MYO16: variants seen among roughly 807,000 people sequenced by gnomAD.
The protein encoded by MYO16 is myosin XVI.
MYO16 carries 94 observed loss-of-function variants against 205.3 expected under a neutral mutation model. The observed-to-expected ratio is 0.46, with a 90% confidence interval of 0.39 to 0.54. The LOEUF (loss-of-function observed/expected upper bound fraction) is 0.54, where lower values mean the gene tolerates loss of function less well. MYO16 is among the 20% of genes least tolerant of loss of function. The pLI, the probability that MYO16 is intolerant of heterozygous loss-of-function variation, is 0.00. For synonymous variants in MYO16, 988 were observed against 954.0 expected (o/e 1.04, Z -0.66); for missense variants, 2,315 against 2,387.5 (o/e 0.97, Z 0.63).
At chr13:108,644,225 A>G (rs969635343) in intron 1 of MYO16, among the ~76,000 whole-genome samples, 5 of 152,130 alleles carry the variant, frequency 3.3e-5, no homozygotes, top group Non-Finnish European at 5.9e-5. Flanking sequence ...CAGCCCAGGG[A>G]TGCTCCCACA....
chr13:108,656,158 C>G (rs772270207), intron 1 of MYO16, among the ~76,000 whole-genome samples: 1 of 152,100 alleles, frequency 6.6e-6, no homozygotes, highest in Admixed American at 6.5e-5. Context: ...TTGAATTATT[C>G]TCCCATAACT....
chr13:108,908,327 A>G (rs1881088900), intron 15 of MYO16, among the ~76,000 whole-genome samples: 1 of 152,172 alleles, frequency 6.6e-6, no homozygotes, highest in Non-Finnish European at 1.5e-5. Context: ...TTTTCTTACT[A>G]AGGGATATTA....
At chr13:108,506,068 T>C in the MYO16 span, among the ~76,000 whole-genome samples, 2 of 152,226 alleles carry the variant, frequency 1.3e-5, no homozygotes, top group East Asian at 3.9e-4. Flanking sequence ...CTGCAGCTTT[T>C]AACATGTTTT....
chr13:109,003,976 A>C (rs770968734), intron 21 of MYO16, among the ~76,000 whole-genome samples: 3 of 152,212 alleles, frequency 2.0e-5, no homozygotes, highest in African/African-American at 4.8e-5. Context: ...AGGAAAAGAA[A>C]ATGTCATATA....
the MYO16 span, among the ~76,000 whole-genome samples, chr13:108,565,578 T>A: frequency 6.6e-6 from 1 of 152,190 alleles, no homozygotes; most frequent in African/African-American, 2.4e-5. Context: ...GTTTTTTTGA[T>A]GGAGTTCTTT....
In MYO16 at chr13:108,657,132, G is replaced by A. The variant is rs189520666; in HGVS notation, c.29-8754G>A. 3.5e-3 allele frequency among the ~76,000 whole-genome samples: 527 copies of A among 152,306 alleles called. 1 individual carries two copies. Among genetic ancestry groups the A allele is most frequent in the African/African-American group, 0.012 (494 of 41,552 alleles). ...AATGTTACTACATACTGTAGCTACA[G>A]AAATTGCCAAAATATTTTTCTCAAT... On this transcript the variant is annotated intron_variant, in intron 1 of 34. Transcript: ENST00000457511.
the MYO16 span, among the ~76,000 whole-genome samples, chr13:108,559,470 CTTTTTTTTTTT>C: frequency 1.1e-5 from 1 of 87,414 alleles, no homozygotes; most frequent in Admixed American, 1.4e-4. Flanking sequence ...TTTTTCTTTT[CTTTTTTTTTTT>C]TTTTTTTTTT....
intron 4 of MYO16, among the ~76,000 whole-genome samples, chr13:108,741,146 C>A (rs780475350): frequency 2.0e-5 from 3 of 152,124 alleles, no homozygotes; most frequent in South Asian, 2.1e-4. Flanking sequence ...CTGTCCTGCA[C>A]CCACCATCCG....
chr13:108,535,078 T>G, the MYO16 span, among the ~76,000 whole-genome samples: 2 of 150,518 alleles, frequency 1.3e-5, no homozygotes, highest in Non-Finnish European at 3.0e-5. Flanking sequence ...CTCTTCTTCT[T>G]CCCCTCTTCC....
At chr13:108,545,908 C>T in the MYO16 span, among the ~76,000 whole-genome samples, 2 of 152,164 alleles carry the variant, frequency 1.3e-5, no homozygotes, top group Non-Finnish European at 2.9e-5. Flanking sequence ...AGATACCTAA[C>T]TCATAGTTTC....
At chr13:109,046,201 G>A (rs1244120644) in intron 23 of MYO16, among the ~76,000 whole-genome samples, 3 of 152,134 alleles carry the variant, frequency 2.0e-5, no homozygotes, top group Admixed American at 2.0e-4. Context: ...CACACTGACC[G>A]TGGTCTGTGC....
chr13:108,535,561 C>T, the MYO16 span, among the ~76,000 whole-genome samples: 2 of 152,126 alleles, frequency 1.3e-5, no homozygotes, highest in Non-Finnish European at 2.9e-5. Flanking sequence ...ACAAAATATG[C>T]CATTTCCCTT....
At chr13:108,730,960 C>T (rs558824366) in intron 4 of MYO16, among the ~76,000 whole-genome samples, 34 of 152,254 alleles carry the variant, frequency 2.2e-4, no homozygotes, top group African/African-American at 6.3e-4. Context: ...CATCCCATTA[C>T]GAATATTATA....
At chr13:108,522,189 G>A in the MYO16 span, among the ~76,000 whole-genome samples, 1 of 152,198 alleles carries the variant, frequency 6.6e-6, no homozygotes, top group Admixed American at 6.5e-5. Context: ...CCAGAACTGG[G>A]CCAGAATCTT....
upstream of MYO16, among the ~76,000 whole-genome samples, chr13:108,626,842 T>C: frequency 6.8e-6 from 1 of 147,530 alleles, no homozygotes; most frequent in Middle Eastern, 3.6e-3. Flanking sequence ...TATATATGTG[T>C]GTGTATATAT....
At chr13:108,742,840 TGA>T (rs1439296928) in intron 4 of MYO16, among the ~76,000 whole-genome samples, 1 of 152,242 alleles carries the variant, frequency 6.6e-6, no homozygotes, top group African/African-American at 2.4e-5. Context: ...ACTTGCTTGC[TGA>T]GAGAGGAACA....
chr13:108,958,196 CTT>C (rs2139359083), intron 17 of MYO16, among the ~76,000 whole-genome samples: 1 of 146,280 alleles, frequency 6.8e-6, no homozygotes, highest in South Asian at 2.1e-4. Context: ...TAATCATAAA[CTT>C]TATAAATTAT....
chr13:108,529,891 TC>T, the MYO16 span, among the ~76,000 whole-genome samples: 2 of 152,182 alleles, frequency 1.3e-5, no homozygotes, highest in African/African-American at 4.8e-5. Flanking sequence ...TTGCCTTTGA[TC>T]CACTCTGTTA....
At chr13:108,807,027 A>C (rs1887136158) in intron 7 of MYO16, among the ~76,000 whole-genome samples, 1 of 152,208 alleles carries the variant, frequency 6.6e-6, no homozygotes, top group Non-Finnish European at 1.5e-5. Context: ...GTCATTGAAG[A>C]AATAATCAAA....
Sources: allele counts gnomAD v4.1 joint callset (sites outside exome capture counted in the v4.1 genomes callset), GRCh38; gene constraint gnomAD v4.1.1; transcripts MANE v1.5; gene names NCBI Gene and HGNC (gene_info 2026-07-23, HGNC 2026-07-21).